Variants in ZIM2 observed in about 807,000 individuals in gnomAD.
ZIM2 encodes zinc finger imprinted 2.
A neutral mutation model predicts 38.6 loss-of-function variants in ZIM2; 14 were observed. The observed-to-expected ratio is 0.36, with a 90% CI of 0.24 to 0.57. The LOEUF is 0.57. Ranked by LOEUF, ZIM2 falls within the 20% of genes least tolerant of loss-of-function variation. The pLI, the probability that ZIM2 is intolerant of heterozygous loss-of-function variation, is 0.81. For missense variants in ZIM2, 680 were observed against 695.1 expected (o/e 0.98, Z 0.24); for synonymous variants, 247 against 245.8 (o/e 1.00, Z -0.04).
chr19:56,824,778 G>A, intron 3 of ZIM2: 1 of 954,484 alleles, frequency 1.0e-6, no homozygotes, highest in Non-Finnish European at 1.6e-6. Context: ...TGTCCCAGAA[G>A]TTGAAGACCA....
chr19:56,830,668 C>G (rs1270419735), intron 2 of ZIM2, among the ~76,000 whole-genome samples: 1 of 152,152 alleles, frequency 6.6e-6, no homozygotes, highest in Non-Finnish European at 1.5e-5. Flanking sequence ...GTAAATACAG[C>G]AAGAGAAATA....
At chr19:56,790,502 C>T (rs971702627) in intron 9 of ZIM2, among the ~76,000 whole-genome samples, 1 of 152,236 alleles carries the variant, frequency 6.6e-6, no homozygotes, top group African/African-American at 2.4e-5. Flanking sequence ...TGTATCCACT[C>T]TGTATACACT....
intron 10 of ZIM2, among the ~76,000 whole-genome samples, chr19:56,786,402 A>G (rs2046606575): frequency 6.6e-6 from 1 of 152,206 alleles, no homozygotes; most frequent in African/African-American, 2.4e-5. Flanking sequence ...TGACACCGGT[A>G]GACGTTGGTG....
intron 11 of ZIM2, 102 bp from the exon 12 acceptor site, chr19:56,779,574 A>G (rs1335934038): frequency 4.5e-6 from 5 of 1,101,576 alleles, no homozygotes; most frequent in Non-Finnish European, 6.7e-6. Flanking sequence ...TCGCAGGAGT[A>G]AAATGAAGCC....
intron 7 of ZIM2, among the ~76,000 whole-genome samples, chr19:56,821,339 G>A (rs1205527768): frequency 1.3e-5 from 2 of 152,152 alleles, no homozygotes; most frequent in Middle Eastern, 3.2e-3. Context: ...CCCTCCTGAG[G>A]ACCAGAAACA....
intron 3 of ZIM2, among the ~76,000 whole-genome samples, chr19:56,825,857 T>C (rs749290344): frequency 2.0e-5 from 3 of 152,242 alleles, no homozygotes; most frequent in Non-Finnish European, 2.9e-5. Flanking sequence ...GTTTCCATTA[T>C]TCAGAGTCTC....
intron 2 of ZIM2, among the ~76,000 whole-genome samples, chr19:56,833,949 C>G (rs1468101843): frequency 6.6e-6 from 1 of 152,128 alleles, no homozygotes; most frequent in Non-Finnish European, 1.5e-5. Flanking sequence ...TTAGCACTTA[C>G]CACACTGCAG....
chr19:56,777,494 T>C (rs1484421478), intron 12 of ZIM2, among the ~76,000 whole-genome samples: 1 of 152,218 alleles, frequency 6.6e-6, no homozygotes, highest in Non-Finnish European at 1.5e-5. Context: ...TTTCTCTGGC[T>C]TTTCCTCTTA....
In ZIM2 at chr19:56,807,335, T is replaced by C. The variant is rs141487534; in HGVS notation, c.490+10411A>G. 7.2e-3 allele frequency among the ~76,000 whole-genome samples: 1,096 copies of C among 152,174 alleles called. 5 individuals carry two copies. The highest frequency in any genetic ancestry group is 0.023 in the African/African-American group (952 of 41,520). On this transcript the variant is annotated intron_variant, in intron 9 of 12. Transcript: ENST00000629319. ...CCTCATGATGGGATGAGGGAAAAAA[T>C]AGAATAAAGAACTTAAATCAGAATT...
At chr19:56,818,305 TAC>T (rs2060170486) in intron 8 of ZIM2, among the ~76,000 whole-genome samples, 7 of 152,276 alleles carry the variant, frequency 4.6e-5, no homozygotes, top group African/African-American at 1.7e-4. Context: ...CCTGAATGTC[TAC>T]TTAAAAACCT....
At chr19:56,828,020 T>C (rs893670504) in intron 2 of ZIM2, among the ~76,000 whole-genome samples, 3 of 152,158 alleles carry the variant, frequency 2.0e-5, no homozygotes, top group Non-Finnish European at 2.9e-5. Flanking sequence ...TATTTTACCA[T>C]GAGCATGTAT....
rs751404917 is a variant in ZIM2, at chr19:56,813,894, G to C, written c.490+3852C>G. On this transcript the variant is annotated intron_variant, in intron 9 of 12. Coordinates refer to ENST00000629319, the MANE Select transcript of ZIM2 (RefSeq NM_001387356.1). ...TCAGGTGTTCACTGAATGCTGTGCT[G>C]GAAGTGAAGGTTTCTGTGCATTCAT... is the stretch of plus-strand genomic sequence containing the variant. 4 of 1,614,138 alleles carry C rather than the reference G, an allele frequency of 2.5e-6. No individual in the cohort carries two copies. In the South Asian group the frequency reaches 4.4e-5, roughly 18 times the overall value.
At chr19:56,785,085 T>G (rs1009887071) in intron 10 of ZIM2, among the ~76,000 whole-genome samples, 1 of 152,164 alleles carries the variant, frequency 6.6e-6, no homozygotes, top group Non-Finnish European at 1.5e-5. Flanking sequence ...GAAATGTCAT[T>G]CTTAACTGGT....
At chr19:56,786,844 GT>G (rs1231510479) in intron 10 of ZIM2, among the ~76,000 whole-genome samples, 1 of 152,010 alleles carries the variant, frequency 6.6e-6, no homozygotes, top group Non-Finnish European at 1.5e-5. Context: ...TGTTTTTCTT[GT>G]TTGTTTTTTG....
Position 56,817,432 on chromosome 19 carries a change from C to A in ZIM2, c.490+314G>T. The A allele has an allele frequency of 6.2e-7, 1 of 1,614,024 alleles. No individual in the cohort carries two copies. The highest frequency in any genetic ancestry group is 1.1e-5 in the South Asian group (1 of 91,066). ...TGACATTCTGGGGAATCTCTGTGAC[C>A]GGTCGCTTGACTCCCTTGCTCTTCC... On this transcript the variant is annotated intron_variant, in intron 9 of 12. Coordinates refer to ENST00000629319, the MANE Select transcript of ZIM2 (RefSeq NM_001387356.1).
rs114137642 is a variant in ZIM2, at chr19:56,812,123, A to T, written c.490+5623T>A. 3.0e-3 allele frequency: 2,876 copies of T among 963,994 alleles called. 34 individuals carry two copies. The highest frequency in any genetic ancestry group is 0.029 in the African/African-American group (1,673 of 56,856). The allele number at this position is 963,994 out of a possible 1,614,324, so 59.7% of individuals were successfully genotyped here. ...TTACATTTTGCAAATCTTTTTTTTT[A>T]AATTTTTTAAATTTTATATTTTTTT... On this transcript the variant is annotated intron_variant, in intron 9 of 12. Transcript: ENST00000629319.
At chr19:56,840,218 T>C (rs1019965587) in intron 1 of ZIM2, among the ~76,000 whole-genome samples, 9 of 152,180 alleles carry the variant, frequency 5.9e-5, no homozygotes, top group Admixed American at 4.6e-4. Context: ...AGCCCCCGGC[T>C]GTCTGCCCTA....
rs138631589 is a variant in ZIM2 at position 56,821,218 on chromosome 19, G to T, written c.294+433C>A. Among the ~76,000 whole-genome samples, 325 of 152,302 alleles carry T rather than the reference G, an allele frequency of 2.1e-3. 1 individual carries two copies. The highest frequency in any genetic ancestry group is 7.3e-3 in the African/African-American group (304 of 41,566). On this transcript the variant is annotated intron_variant, in intron 7 of 12. Transcript: ENST00000629319. ...TCAGCTTATGAGTAAATGGCCCAAGGCCACACAGCTAGCAAGTGGCAGAGC... is the reference window on the plus strand; with the variant it reads ...TCAGCTTATGAGTAAATGGCCCAAGTCCACACAGCTAGCAAGTGGCAGAGC...
chr19:56,788,846 T>C (rs2046776295), intron 10 of ZIM2, among the ~76,000 whole-genome samples: 1 of 151,944 alleles, frequency 6.6e-6, no homozygotes, highest in Non-Finnish European at 1.5e-5. Context: ...TTTGTTCATT[T>C]CTTTTCATTC....
Sources: gnomAD v4.1 joint callset for allele counts (sites outside exome capture counted in the v4.1 genomes callset) on GRCh38, gnomAD v4.1.1 for gene constraint, MANE v1.5 for transcripts, NCBI Gene and HGNC (gene_info 2026-07-23, HGNC 2026-07-21) for gene names.